The following MAP7D1 variants were observed in gnomAD, a reference collection of about 807,000 sequenced individuals.
The protein encoded by MAP7D1 is MAP7 domain-containing protein 1.
Under a neutral mutation model 97.5 loss-of-function variants are expected in MAP7D1, and 30 were observed. The ratio of observed to expected loss-of-function variants is 0.31; its 90% confidence interval spans 0.23 to 0.42. The LOEUF (loss-of-function observed/expected upper bound fraction) is 0.42, where lower values mean the gene tolerates loss of function less well. Among genes scored for constraint, MAP7D1 ranks in the 10% least tolerant of loss-of-function variants. MAP7D1 has a pLI of 1.00. For missense variants in MAP7D1, 1,184 were observed against 1,179.5 expected, an observed-to-expected ratio of 1.00 and a Z score of -0.06; for synonymous variants, 536 against 477.1, an observed-to-expected ratio of 1.12 and a Z score of -1.61.
Position 36,179,687 on chromosome 1 carries a change from C to T in MAP7D1, c.2249C>T (p.Ala750Val). Residue 750 changes from alanine to valine, a missense_variant, in exon 15 of 17, where the codon GCT becomes GTT. Physicochemically the swap from Ala to Val is moderately conservative, Grantham distance 64. Coordinates refer to ENST00000474796, the MANE Select transcript of MAP7D1 (RefSeq NM_001388490.1). ...SSPEPVKAVE[A>V]RSPGLQKEAV... ...ACAGAGCCTGTGAAAGCTGTGGAGG[C>T]TCGGTCCCCAGGGCTGCAGAAGGAG... 1 of 1,524,800 alleles carries T rather than the reference C, an allele frequency of 6.6e-7. No individual in the cohort carries two copies. The highest frequency in any genetic ancestry group is 8.8e-7 in the Non-Finnish European group (1 of 1,134,394). The allele number at this position is 1,524,800 out of a possible 1,614,324, so 94.5% of individuals were successfully genotyped here.
intron 5 of MAP7D1, among the ~76,000 whole-genome samples, chr1:36,174,362 G>T (rs1229641362): frequency 6.6e-6 from 1 of 152,198 alleles, no homozygotes; most frequent in Non-Finnish European, 1.5e-5. Context: ...CTCTGTCCCT[G>T]TGCATGTCTG....
At chr1:36,171,668 C>T (rs1370426564) in intron 3 of MAP7D1, 87 bp downstream of exon 3, 10 of 1,438,000 alleles carry the variant, frequency 7.0e-6, no homozygotes, top group African/African-American at 1.4e-5. Flanking sequence ...CGCAGTGGCT[C>T]ACGCCTGTAA....
chr1:36,156,290 C>G lies in MAP7D1; in HGVS notation c.-128C>G. 1 of 707,688 alleles carries G rather than the reference C, an allele frequency of 1.4e-6. No homozygotes were observed. The highest frequency in any genetic ancestry group is 2.1e-6 in the Non-Finnish European group (1 of 487,400). 43.8% of individuals were successfully genotyped at this position (707,688 alleles called of 1,614,324 possible). A position where few individuals can be genotyped will look rare whatever the true frequency, so the allele number is the denominator to read the frequency against. On this transcript the variant is annotated 5_prime_UTR_variant, in exon 1 of 17. Transcript: ENST00000474796. The stretch of plus-strand genomic sequence containing the variant: ...GCCTCGACCTTCCCCGGAGCGCCCC[C>G]GCCTCCGAGTCGCTACTTGCCGGGC...
At position 36,180,237 on chromosome 1, in the gene MAP7D1, T is replaced by C. The variant is rs756950067; in HGVS notation, c.2513-11T>C. 8 of 1,613,980 alleles carry C rather than the reference T, an allele frequency of 5.0e-6. No individual in the cohort carries two copies. The South Asian group carries it at 8.8e-5, about 18-fold the overall frequency. ...TTTGCCCTGACTGTTTCCCTTCCTG[T>C]TTTTCCCCAGAAGTCCTTTAAGAGG... On this transcript the variant is annotated splice_polypyrimidine_tract_variant and intron_variant, in intron 16 of 16. Transcript: ENST00000474796.
chr1:36,171,115 T>G lies in MAP7D1; in HGVS notation c.191T>G (p.Leu64Arg). The change falls in exon 2 of 17, where the codon CTC becomes CGC. Residue 64 changes from leucine to arginine, a missense_variant. Physicochemically the swap from Leu to Arg is moderately radical, Grantham distance 102 (BLOSUM62 -2). Transcript: ENST00000474796. Reference protein sequence around the residue: ...AMKNATSSKQLPLEPESPSGQ... With the variant: ...AMKNATSSKQRPLEPESPSGQ... ...AAGAATGCCACTAGCTCTAAGCAGC[T>G]CCCACTGGAACCAGAGAGCCCCTCA... 1 of 1,605,410 alleles carries G rather than the reference T, an allele frequency of 6.2e-7. No homozygotes were observed. Among genetic ancestry groups the G allele is most frequent in the Non-Finnish European group, 8.5e-7 (1 of 1,178,142 alleles).
chr1:36,160,738 G>A (rs191085593), intron 1 of MAP7D1, among the ~76,000 whole-genome samples: 26 of 152,342 alleles, frequency 1.7e-4, no homozygotes, highest in Non-Finnish European at 2.6e-4. Flanking sequence ...CTTCCCTCCC[G>A]TGACTGGCCT....
Position 36,180,416 on chromosome 1 carries a change from G to A in MAP7D1, c.*158G>A, listed in dbSNP as rs1459542624. ...TTTAATCTGCACCTTATAGACTGAT[G>A]TCTCTTTGGCCGGAGCCAGATCTGC... On this transcript the variant is annotated 3_prime_UTR_variant, in exon 17 of 17. Coordinates refer to ENST00000474796, the MANE Select transcript of MAP7D1 (RefSeq NM_001388490.1). The A allele has an allele frequency of 1.0e-6, 1 of 997,572 alleles. No homozygotes were observed. Among genetic ancestry groups the A allele is most frequent in the Non-Finnish European group, 1.6e-6 (1 of 640,338 alleles). The allele number at this position is 997,572 out of a possible 1,614,324, so 61.8% of individuals were successfully genotyped here.
chr1:36,180,188 C>T, intron 16 of MAP7D1, 60 bp from the exon 17 acceptor site: 1 of 1,613,408 alleles, frequency 6.2e-7, no homozygotes, highest in South Asian at 1.1e-5. Flanking sequence ...CTGAAGACCC[C>T]CAGCTATCTG....
At chr1:36,165,755 G>C (rs1274732695) in intron 1 of MAP7D1, among the ~76,000 whole-genome samples, 2 of 144,676 alleles carry the variant, frequency 1.4e-5, no homozygotes, top group East Asian at 4.2e-4. Flanking sequence ...TTTGGAGACG[G>C]AGTCTCACTC....
chr1:36,173,439 G>A lies in MAP7D1; in HGVS notation c.700G>A (p.Ala234Thr). The A allele has an allele frequency of 1.2e-6, 2 of 1,614,034 alleles. No homozygotes were observed. Among genetic ancestry groups the A allele is most frequent in the Non-Finnish European group, 1.7e-6 (2 of 1,179,978 alleles). ...AEIRQQRWSW[A>T]GALHHSSPGH... is the part of the protein sequence containing the mutation. ...AATCCGGCAGCAGCGCTGGTCCTGG[G>A]CAGGGGCCCTGCACCACAGCTCTCC... The change falls in exon 5 of 17, where the codon GCA becomes ACA. Residue 234 changes from alanine (A) to threonine (T), a missense_variant. Transcript: ENST00000474796.
Position 36,176,399 on chromosome 1 carries a change from C to T in MAP7D1, c.1051C>T (p.Arg351Cys), listed in dbSNP as rs778396406. ...CCTGGCGCGCGGGCCGCAACCCGAC[C>T]GCACTCATCCCTCTGCAGCCGTGCC... The part of the protein sequence containing the change: ...ASLARGPQPD[R>C]THPSAAVPVC... The change falls in exon 7 of 17, where the codon CGC becomes TGC. Residue 351 changes from arginine (R) to cysteine (C), a missense_variant. Arg to Cys is a radical substitution (Grantham distance 180). Transcript: ENST00000474796. The surrounding 1 kb of genome is among the most constrained non-coding windows in gnomAD (Gnocchi z 6.1). The T allele has an allele frequency of 3.3e-6, 5 of 1,532,410 alleles. No homozygotes were observed. In the Admixed American group the frequency reaches 9.7e-5, roughly 30 times the overall value. 94.9% of individuals were successfully genotyped at this position (1,532,410 alleles called of 1,614,324 possible). A position where few individuals can be genotyped will look rare whatever the true frequency, so the allele number is the denominator to read the frequency against.
Position 36,174,895 on chromosome 1 carries a change from C to T in MAP7D1, c.740-3C>T. On this transcript the variant is annotated splice_polypyrimidine_tract_variant and splice_region_variant and intron_variant, in intron 5 of 16. Coordinates refer to ENST00000474796, the MANE Select transcript of MAP7D1 (RefSeq NM_001388490.1). ...CCTAATGCCGTGTCTTTTCCCCCTC[C>T]AGGTGGGAGCAGGTGCTCCGTGTCG... 1 of 1,595,240 alleles carries T rather than the reference C, an allele frequency of 6.3e-7. No individual in the cohort carries two copies. The highest frequency in any genetic ancestry group is 8.6e-7 in the Non-Finnish European group (1 of 1,163,252).
rs769190567 is a variant in MAP7D1, at chr1:36,174,935, C to G, written c.777C>G (p.Pro259=). ...GCTCCGTGTCGGCAGTTAACCTGCC[C>G]AAACACGTGGACTCTATAATCAACA... ...SRCSVSAVNL[P]KHVDSIINKR... The change falls in exon 6 of 17, where the codon CCC becomes CCG. Residue 259 remains proline, a synonymous_variant. Coordinates refer to ENST00000474796, the MANE Select transcript of MAP7D1 (RefSeq NM_001388490.1). The G allele has an allele frequency of 6.2e-7, 1 of 1,613,938 alleles. No homozygotes were observed. The highest frequency in any genetic ancestry group is 1.3e-5 in the African/African-American group (1 of 75,002).
At chr1:36,167,376 A>T (rs1372392310) in intron 1 of MAP7D1, among the ~76,000 whole-genome samples, 1 of 152,230 alleles carries the variant, frequency 6.6e-6, no homozygotes, top group Non-Finnish European at 1.5e-5. Flanking sequence ...TGGCCAAGGA[A>T]GATGAGGGAT....
In MAP7D1 at chr1:36,179,733, C is replaced by T. The variant is rs1326701055; in HGVS notation, c.2295C>T (p.Pro765=). The part of the protein sequence containing the change: ...LQKEAVQKEE[P]IPQEPQWSLP... Reference sequence around the variant, plus strand: ...AGGAGGCTGTGCAGAAAGAGGAGCCCATCCCACAGGAGCCTCAGTGGAGGT... The same window carrying T: ...AGGAGGCTGTGCAGAAAGAGGAGCCTATCCCACAGGAGCCTCAGTGGAGGT... The change falls in exon 15 of 17, where the codon CCC becomes CCT. Residue 765 remains proline, a synonymous_variant. Transcript: ENST00000474796. 6.6e-7 allele frequency: 1 copy of T among 1,519,908 alleles called. No homozygotes were observed. The highest frequency in any genetic ancestry group is 8.8e-7 in the Non-Finnish European group (1 of 1,136,024). 94.2% of individuals were successfully genotyped at this position (1,519,908 alleles called of 1,614,324 possible). A position where few individuals can be genotyped will look rare whatever the true frequency, so the allele number is the denominator to read the frequency against.
In MAP7D1 at chr1:36,179,889, G is replaced by T. The variant is rs1644692225; in HGVS notation, c.2334G>T (p.Glu778Asp). 1.9e-6 allele frequency: 3 copies of T among 1,613,280 alleles called. No individual in the cohort carries two copies. Among genetic ancestry groups the T allele is most frequent in the African/African-American group, 1.3e-5 (1 of 75,044 alleles). Residue 778 changes from glutamate (E) to aspartate (D), a missense_variant, in exon 16 of 17, where the codon GAG becomes GAT. By Grantham distance (45) the Glu-to-Asp change is conservative (BLOSUM62 2). Coordinates refer to ENST00000474796, the MANE Select transcript of MAP7D1 (RefSeq NM_001388490.1). ...QEPQWSLPSK[E>D]LPASLVNGLQ... ...GCATCCACAGTCTCCCAAGCAAGGAGTTGCCAGCGTCCCTGGTGAATGGCC... is the reference window on the plus strand; with the variant it reads ...GCATCCACAGTCTCCCAAGCAAGGATTTGCCAGCGTCCCTGGTGAATGGCC...
intron 13 of MAP7D1, 26 bp downstream of exon 13, chr1:36,179,341 C>T (rs1191965986): frequency 3.7e-6 from 6 of 1,613,390 alleles, no homozygotes; most frequent in Non-Finnish European, 5.1e-6. Flanking sequence ...AAGGGCAGTG[C>T]TGGGCGTGGG....
chr1:36,178,165 C>T lies in MAP7D1; in HGVS notation c.1672C>T (p.Pro558Ser). 6.3e-7 allele frequency: 1 copy of T among 1,579,072 alleles called. No homozygotes were observed. Among genetic ancestry groups the T allele is most frequent in the African/African-American group, 1.3e-5 (1 of 74,536 alleles). ...SPAPSPTPAPPQKEQPPAETP... is the reference protein window; with the variant it reads ...SPAPSPTPAPSQKEQPPAETP... ...GGCGCCCTCGCCCACCCCAGCCCCG[C>T]CCCAGAAGGAGCAGCCCCCCGCGGA... Residue 558 changes from proline (P) to serine (S), a missense_variant, in exon 9 of 17, where the codon CCC (proline) becomes TCC (serine). By Grantham distance (74) the Pro-to-Ser change is moderately conservative. Coordinates refer to ENST00000474796, the MANE Select transcript of MAP7D1 (RefSeq NM_001388490.1).
At position 36,170,988 on chromosome 1, in the gene MAP7D1, C is replaced by A; in HGVS notation, c.64C>A (p.Pro22Thr). 5 of 1,471,718 alleles carry A rather than the reference C, an allele frequency of 3.4e-6. No homozygotes were observed. Among genetic ancestry groups the A allele is most frequent in the South Asian group, 1.2e-5 (1 of 83,124 alleles). The allele number at this position is 1,471,718 out of a possible 1,614,324, so 91.2% of individuals were successfully genotyped here. A position where few individuals can be genotyped will look rare whatever the true frequency, so the allele number is the denominator to read the frequency against. Residue 22 changes from proline to threonine, a missense_variant, in exon 2 of 17, where the codon CCC becomes ACC. Transcript: ENST00000474796. ...TCTTTCAGCTGTGGTCGCCAGGACC[C>A]CCCCAGAGCCAAGACCTTCTCCAGA... ...GAPPAVVART[P>T]PEPRPSPEGD...
Sources: allele counts gnomAD v4.1 joint callset (sites outside exome capture counted in the v4.1 genomes callset), GRCh38; gene constraint gnomAD v4.1.1; non-coding constraint Gnocchi (gnomAD v3.1); transcripts MANE v1.5; gene names NCBI Gene and HGNC (gene_info 2026-07-23, HGNC 2026-07-21).